CACNG1: variants seen among roughly 807,000 people sequenced by gnomAD.
CACNG1 encodes voltage-dependent calcium channel gamma-1 subunit.
CACNG1 carries 21 observed loss-of-function variants against 22.0 expected under a neutral mutation model. The observed-to-expected ratio is 0.95, with a 90% CI of 0.68 to 1.37. The LOEUF (loss-of-function observed/expected upper bound fraction) is 1.37, where lower values mean the gene tolerates loss of function less well. Among genes scored for constraint, CACNG1 ranks in the 40% most tolerant of loss-of-function variants. The pLI is 0.00. For synonymous variants in CACNG1, 127 were observed against 129.2 expected (o/e 0.98, Z 0.12); for missense variants, 291 against 308.6 (o/e 0.94, Z 0.43).
chr17:67,055,991 G>T lies in CACNG1; in HGVS notation c.443-54G>T. Reference sequence around the variant, plus strand: ...CATGCACACAGGCTGGGATGGGGCTGGTGGCTACGGCAGACGCCCCTCGGT... The same window carrying T: ...CATGCACACAGGCTGGGATGGGGCTTGTGGCTACGGCAGACGCCCCTCGGT... On this transcript the variant is annotated intron_variant, in intron 3 of 3. Coordinates refer to ENST00000226021, the MANE Select transcript of CACNG1 (RefSeq NM_000727.4). This position sits in a 1 kb window ranked among gnomAD's most constrained non-coding sequence, Gnocchi z 4.5. The T allele has an allele frequency of 6.9e-7, 1 of 1,446,442 alleles. No homozygotes were observed. The highest frequency in any genetic ancestry group is 9.6e-7 in the Non-Finnish European group (1 of 1,043,388). 89.6% of individuals were successfully genotyped at this position (1,446,442 alleles called of 1,614,324 possible). A position where few individuals can be genotyped will look rare whatever the true frequency, so the allele number is the denominator to read the frequency against.
chr17:67,051,527 C>T (rs2035728190), intron 1 of CACNG1, among the ~76,000 whole-genome samples: 1 of 152,170 alleles, frequency 6.6e-6, no homozygotes, highest in Non-Finnish European at 1.5e-5. Context: ...TCCTCAGGCC[C>T]CCAGTTCAGC....
chr17:67,055,996 C>A lies in CACNG1; in HGVS notation c.443-49C>A. ...ACACAGGCTGGGATGGGGCTGGTGGCTACGGCAGACGCCCCTCGGTCCCTG... is the reference window on the plus strand; with the variant it reads ...ACACAGGCTGGGATGGGGCTGGTGGATACGGCAGACGCCCCTCGGTCCCTG... On this transcript the variant is annotated intron_variant, in intron 3 of 3. Transcript: ENST00000226021. This position sits in a 1 kb window ranked among gnomAD's most constrained non-coding sequence, Gnocchi z 4.5. 2 of 1,495,230 alleles carry A rather than the reference C, an allele frequency of 1.3e-6. No homozygotes were observed. Among genetic ancestry groups the A allele is most frequent in the Admixed American group, 1.7e-5 (1 of 59,348 alleles). 92.6% of individuals were successfully genotyped at this position (1,495,230 alleles called of 1,614,324 possible). A position where few individuals can be genotyped will look rare whatever the true frequency, so the allele number is the denominator to read the frequency against.
intron 1 of CACNG1, 130 bp downstream of exon 1, chr17:67,045,019 C>T (rs1467479996): frequency 1.7e-5 from 12 of 717,174 alleles, no homozygotes; most frequent in Non-Finnish European, 2.6e-5. Context: ...GCCTTTTCTG[C>T]CCAGGGAAGA....
Position 67,056,045 on chromosome 17 carries a change from G to T in CACNG1, c.443G>T (p.Gly148Val). The T allele has an allele frequency of 6.2e-7, 1 of 1,609,568 alleles. No individual in the cohort carries two copies. Among genetic ancestry groups the T allele is most frequent in the Non-Finnish European group, 8.5e-7 (1 of 1,179,652 alleles). Residue 148 changes from glycine (G) to valine (V), a missense_variant and splice_region_variant, in exon 4 of 4, where the codon GGT becomes GTT. Physicochemically the swap from Gly to Val is moderately radical, Grantham distance 109. Coordinates refer to ENST00000226021, the MANE Select transcript of CACNG1 (RefSeq NM_000727.4). The surrounding 1 kb of genome is among the most constrained non-coding windows in gnomAD (Gnocchi z 4.3). The part of the protein sequence containing the change: ...RPASMFYAFA[G>V]LCILVSVEVM... ...TGAGCATGCCTGGCTCTGCCCCCAG[G>T]TCTCTGCATCCTCGTCTCGGTGGAG...
chr17:67,048,249 C>T (rs974990482), intron 1 of CACNG1, among the ~76,000 whole-genome samples: 2 of 147,610 alleles, frequency 1.4e-5, no homozygotes, highest in African/African-American at 5.0e-5. Flanking sequence ...AGTGAGAGGA[C>T]TGCTTGAGGC....
Position 67,056,431 on chromosome 17 carries a change from G to C in CACNG1, c.*160G>C. The C allele has an allele frequency of 6.2e-6, 4 of 640,650 alleles. No individual in the cohort carries two copies. The highest frequency in any genetic ancestry group is 1.1e-5 in the Non-Finnish European group (4 of 371,762). 39.7% of individuals were successfully genotyped at this position (640,650 alleles called of 1,614,324 possible). A position where few individuals can be genotyped will look rare whatever the true frequency, so the allele number is the denominator to read the frequency against. On this transcript the variant is annotated 3_prime_UTR_variant, in exon 4 of 4. Transcript: ENST00000226021. The surrounding 1 kb of genome is among the most constrained non-coding windows in gnomAD (Gnocchi z 4.3). ...CTGCTTCCTCTCTCTGAGTTCCTCT[G>C]GGCTGCCGCAGGCTCCCCTGGGAAT... is the stretch of plus-strand genomic sequence containing the variant.
chr17:67,049,166 G>A (rs951118695), intron 1 of CACNG1, among the ~76,000 whole-genome samples: 4 of 152,198 alleles, frequency 2.6e-5, no homozygotes, highest in African/African-American at 2.4e-5. Flanking sequence ...TCTTAAAAAC[G>A]GAAAGAAACA....
chr17:67,047,109 G>A (rs544188357), intron 1 of CACNG1, among the ~76,000 whole-genome samples: 57 of 152,136 alleles, frequency 3.7e-4, no homozygotes, highest in African/African-American at 9.9e-4. Context: ...TATGTGGCCC[G>A]TCATCTATTA....
At chr17:67,047,982 G>A (rs1009085143) in intron 1 of CACNG1, among the ~76,000 whole-genome samples, 1 of 152,190 alleles carries the variant, frequency 6.6e-6, no homozygotes, top group Non-Finnish European at 1.5e-5. Context: ...TAAAGACTGG[G>A]AGAGGCATTG....
At position 67,056,288 on chromosome 17, in the gene CACNG1, G is replaced by T; in HGVS notation, c.*17G>T. ...GAGCACTAACCCTCCTGCGGCCCTA[G>T]CGACCCTCAGGCTTCTTCCCCAGGA... On this transcript the variant is annotated 3_prime_UTR_variant, in exon 4 of 4. Coordinates refer to ENST00000226021, the MANE Select transcript of CACNG1 (RefSeq NM_000727.4). This position sits in a 1 kb window ranked among gnomAD's most constrained non-coding sequence, Gnocchi z 4.3. 1 of 1,608,944 alleles carries T rather than the reference G, an allele frequency of 6.2e-7. No individual in the cohort carries two copies.
Position 67,056,374 on chromosome 17 carries a change from G to A in CACNG1, c.*103G>A. The A allele has an allele frequency of 1.1e-6, 1 of 918,894 alleles. No homozygotes were observed. The allele number at this position is 918,894 out of a possible 1,614,324, so 56.9% of individuals were successfully genotyped here. The stretch of plus-strand genomic sequence containing the variant: ...GCGGGAGCAATTTTAGCCCCACCCT[G>A]CTCCCATCTGCCCCCCTGCAACAGT... On this transcript the variant is annotated 3_prime_UTR_variant, in exon 4 of 4. Transcript: ENST00000226021. The surrounding 1 kb of genome is among the most constrained non-coding windows in gnomAD (Gnocchi z 4.3).
At position 67,055,558 on chromosome 17, in the gene CACNG1, C is replaced by T. The variant is rs566432575; in HGVS notation, c.442+318C>T. ...TCTTGGGGGATGAGGAAGAGGGTCTCGCTCTGTCATCCAGGCTGGAGTGCA... is the reference window on the plus strand; with the variant it reads ...TCTTGGGGGATGAGGAAGAGGGTCTTGCTCTGTCATCCAGGCTGGAGTGCA... On this transcript the variant is annotated intron_variant, in intron 3 of 3. Coordinates refer to ENST00000226021, the MANE Select transcript of CACNG1 (RefSeq NM_000727.4). This position sits in a 1 kb window ranked among gnomAD's most constrained non-coding sequence, Gnocchi z 4.5. Among the ~76,000 whole-genome samples the T allele has an allele frequency of 7.9e-5, 12 of 152,118 alleles. No homozygotes were observed. The highest frequency in any genetic ancestry group is 1.3e-4 in the Non-Finnish European group (9 of 68,012).
intron 1 of CACNG1, among the ~76,000 whole-genome samples, chr17:67,048,910 C>T (rs575840768): frequency 6.6e-5 from 10 of 152,072 alleles, no homozygotes; most frequent in South Asian, 6.2e-4. Context: ...AGAAAAATGA[C>T]GAGAGCCTCG....
rs1287211611 is a variant in CACNG1, at chr17:67,056,320, G to A, written c.*49G>A. ...TCAGGCTTCTTCCCCAGGAAGCGGG[G>A]TCTTGGCCTGGAACCTTCCAGAGAG... On this transcript the variant is annotated 3_prime_UTR_variant, in exon 4 of 4. Coordinates refer to ENST00000226021, the MANE Select transcript of CACNG1 (RefSeq NM_000727.4). The surrounding 1 kb of genome is among the most constrained non-coding windows in gnomAD (Gnocchi z 4.3). The A allele has an allele frequency of 3.9e-6, 6 of 1,556,488 alleles. No homozygotes were observed. Among genetic ancestry groups the A allele is most frequent in the Non-Finnish European group, 4.4e-6 (5 of 1,131,350 alleles).
In CACNG1 at chr17:67,055,358, C is replaced by T. The variant is rs949635768; in HGVS notation, c.442+118C>T. Reference sequence around the variant, plus strand: ...TGAGGGGCATTTCCCAGGCTCCATCCCCATCCAGGGGCAAACCTGGCCAGG... The same window carrying T: ...TGAGGGGCATTTCCCAGGCTCCATCTCCATCCAGGGGCAAACCTGGCCAGG... On this transcript the variant is annotated intron_variant, in intron 3 of 3. Coordinates refer to ENST00000226021, the MANE Select transcript of CACNG1 (RefSeq NM_000727.4). The surrounding 1 kb of genome is among the most constrained non-coding windows in gnomAD (Gnocchi z 4.5). 19 of 1,255,698 alleles carry T rather than the reference C, an allele frequency of 1.5e-5. No individual in the cohort carries two copies. The African/African-American group carries it at 2.4e-4, about 16-fold the overall frequency. 77.8% of individuals were successfully genotyped at this position (1,255,698 alleles called of 1,614,324 possible).
In CACNG1 at chr17:67,056,356, C is replaced by A; in HGVS notation, c.*85C>A. On this transcript the variant is annotated 3_prime_UTR_variant, in exon 4 of 4. Transcript: ENST00000226021. This position sits in a 1 kb window ranked among gnomAD's most constrained non-coding sequence, Gnocchi z 4.3. The stretch of plus-strand genomic sequence containing the variant: ...GAACCTTCCAGAGAGGAGGCGGGAG[C>A]AATTTTAGCCCCACCCTGCTCCCAT... 8.3e-7 allele frequency: 1 copy of A among 1,204,810 alleles called. No homozygotes were observed. Among genetic ancestry groups the A allele is most frequent in the Non-Finnish European group, 1.2e-6 (1 of 832,504 alleles). 74.6% of individuals were successfully genotyped at this position (1,204,810 alleles called of 1,614,324 possible). A position where few individuals can be genotyped will look rare whatever the true frequency, so the allele number is the denominator to read the frequency against.
rs545981347 is a variant in CACNG1, at chr17:67,050,353, G to A, written c.230-3643G>A. 7.0e-4 allele frequency among the ~76,000 whole-genome samples: 107 copies of A among 152,374 alleles called. No individual in the cohort carries two copies. In the Middle Eastern group the frequency reaches 0.02, roughly 29 times the overall value. ...CTCTGAAGCTCTAGGGTCAGGTCTT[G>A]GAGATTTCCAGCCCATTTTATAAAA... On this transcript the variant is annotated intron_variant, in intron 1 of 3. Coordinates refer to ENST00000226021, the MANE Select transcript of CACNG1 (RefSeq NM_000727.4).
In CACNG1 at chr17:67,054,314, TC is replaced by T. The variant is rs1022447313; in HGVS notation, c.304+246del. ...AGGGAGCGTTTGCAGAAGCAGCACC[TC>T]CTGGTAGGCCCCTACACAAGGGCAG... On this transcript the variant is annotated intron_variant, in intron 2 of 3. Coordinates refer to ENST00000226021, the MANE Select transcript of CACNG1 (RefSeq NM_000727.4). This position sits in a 1 kb window ranked among gnomAD's most constrained non-coding sequence, Gnocchi z 4.6. Among the ~76,000 whole-genome samples, 8 of 152,092 alleles carry T rather than the reference TC, an allele frequency of 5.3e-5. No homozygotes were observed. Among genetic ancestry groups the T allele is most frequent in the Non-Finnish European group, 7.4e-5 (5 of 68,002 alleles).
chr17:67,055,944 A>C lies in CACNG1; in HGVS notation c.443-101A>C. 1.1e-6 allele frequency: 1 copy of C among 923,392 alleles called. No individual in the cohort carries two copies. The highest frequency in any genetic ancestry group is 1.7e-6 in the Non-Finnish European group (1 of 597,778). The allele number at this position is 923,392 out of a possible 1,614,324, so 57.2% of individuals were successfully genotyped here. A position where few individuals can be genotyped will look rare whatever the true frequency, so the allele number is the denominator to read the frequency against. Reference sequence around the variant, plus strand: ...CCTGCCTTGAGGCAGCTTTTCCCCCAAGGCAAGGTCACCGCCTCCTCCATG... The same window carrying C: ...CCTGCCTTGAGGCAGCTTTTCCCCCCAGGCAAGGTCACCGCCTCCTCCATG... On this transcript the variant is annotated intron_variant, in intron 3 of 3. Coordinates refer to ENST00000226021, the MANE Select transcript of CACNG1 (RefSeq NM_000727.4). This position sits in a 1 kb window ranked among gnomAD's most constrained non-coding sequence, Gnocchi z 4.5.
Sources: gnomAD v4.1 joint callset for allele counts (sites outside exome capture counted in the v4.1 genomes callset) on GRCh38, gnomAD v4.1.1 for gene constraint, Gnocchi (gnomAD v3.1) non-coding constraint, MANE v1.5 for transcripts, NCBI Gene and HGNC (gene_info 2026-07-23, HGNC 2026-07-21) for gene names.